DOCK9: variants seen among roughly 807,000 people sequenced by gnomAD.
DOCK9 encodes the protein dedicator of cytokinesis 9.
A neutral mutation model predicts 263.3 loss-of-function variants in DOCK9; 89 were observed. The ratio of observed to expected loss-of-function variants is 0.34; its 90% CI spans 0.28 to 0.40. DOCK9 has a LOEUF of 0.40. DOCK9 is among the 10% of genes least tolerant of loss of function. The pLI is 1.00. For synonymous variants in DOCK9, 976 were observed against 973.1 expected (o/e 1.00, Z -0.06); for missense variants, 2,140 against 2,603.4 (o/e 0.82, Z 3.87).
intron 3 of DOCK9, among the ~76,000 whole-genome samples, chr13:98,926,235 C>G (rs1428761345): frequency 2.6e-5 from 4 of 152,170 alleles, no homozygotes; most frequent in Admixed American, 2.6e-4. Context: ...AGAGTAAGCA[C>G]CTGGTTCTTA....
In DOCK9 at chr13:98,881,882, C is replaced by T. The variant is rs1429176845; in HGVS notation, c.2675+10G>A. ...AGAAGTGAGGAAGAGCATCCATCCA[C>T]CTCCCTTACCGAGTCACGTTAACCG... On this transcript the variant is annotated intron_variant, in intron 24 of 52. Transcript: ENST00000682017. The T allele has an allele frequency of 1.9e-6, 3 of 1,557,284 alleles. No individual in the cohort carries two copies. The highest frequency in any genetic ancestry group is 1.4e-5 in the African/African-American group (1 of 73,512).
chr13:99,086,580 A>C (rs1454789943), exon 1 of DOCK9: 1 of 151,814 alleles, frequency 6.6e-6, no homozygotes, highest in East Asian at 2.0e-4. Flanking sequence ...GCCCCCCGCG[A>C]TCGCAGCAGC....
chr13:98,799,776 G>A (rs748528266), intron 50 of DOCK9, among the ~76,000 whole-genome samples: 1 of 152,146 alleles, frequency 6.6e-6, no homozygotes, highest in African/African-American at 2.4e-5. Flanking sequence ...TGAAATTTTG[G>A]AGTAGACACA....
chr13:99,031,610 T>A (rs181664139), intron 1 of DOCK9, among the ~76,000 whole-genome samples: 23 of 152,318 alleles, frequency 1.5e-4, no homozygotes, highest in Admixed American at 1.2e-3. Flanking sequence ...GTCTTTTTCA[T>A]CAACTGAAAG....
chr13:99,030,540 C>T (rs1301373484), intron 1 of DOCK9, among the ~76,000 whole-genome samples: 5 of 152,136 alleles, frequency 3.3e-5, no homozygotes, highest in Admixed American at 2.6e-4. Flanking sequence ...TGGGATAGTA[C>T]CAGCATTCAA....
intron 2 of DOCK9, chr13:98,949,927 G>A: frequency 2.1e-6 from 1 of 476,642 alleles, no homozygotes; most frequent in Non-Finnish European, 4.1e-6. Context: ...TCCCCCAGGT[G>A]CTCCTCAATT....
At chr13:98,811,137 ATT>A (rs1247371884) in intron 45 of DOCK9, among the ~76,000 whole-genome samples, 2 of 152,184 alleles carry the variant, frequency 1.3e-5, no homozygotes, top group African/African-American at 2.4e-5. Flanking sequence ...AAAGGTTTGG[ATT>A]GATTGATGTT....
chr13:98,885,831 T>C lies in DOCK9; in HGVS notation c.2137A>G (p.Ile713Val), dbSNP rs776620056. The C allele has an allele frequency of 2.5e-6, 4 of 1,597,552 alleles. No homozygotes were observed. The highest frequency in any genetic ancestry group is 3.4e-6 in the Non-Finnish European group (4 of 1,175,598). Residue 713 changes from isoleucine to valine, a missense_variant and splice_region_variant, in exon 20 of 53, where the codon ATT (isoleucine) becomes GTT (valine). Transcript: ENST00000682017. ...AGCTGAGTGGGCAACTCTATTTTAATCTGCAAGGGAAGACAAAATAACAAC... is the reference window on the plus strand; with the variant it reads ...AGCTGAGTGGGCAACTCTATTTTAACCTGCAAGGGAAGACAAAATAACAAC... The part of the protein sequence containing the change: ...HHQNPEFYDE[I>V]KIELPTQLHE...
At position 98,863,049 on chromosome 13, in the gene DOCK9, A is replaced by G. The variant is rs1223841157; in HGVS notation, c.3549T>C (p.Asp1183=). ...IENVQRINVR[D]VSPFPVNAGM... is the part of the protein sequence containing the mutation. ...CCGCGTTCACAGGGAAGGGTGACAC[A>G]TCCCTCACATTGATCCGCTGGACGT... Residue 1183 remains aspartate, a synonymous_variant, in exon 32 of 53, where the codon GAT becomes GAC. Coordinates refer to ENST00000682017, the MANE Select transcript of DOCK9 (RefSeq NM_001366683.2). 5.6e-6 allele frequency: 9 copies of G among 1,610,864 alleles called. No individual in the cohort carries two copies. The South Asian group carries it at 8.9e-5, about 16-fold the overall frequency.
At chr13:99,046,337 C>T (rs914554907) in intron 1 of DOCK9, among the ~76,000 whole-genome samples, 5 of 152,230 alleles carry the variant, frequency 3.3e-5, no homozygotes, top group Non-Finnish European at 4.4e-5. Context: ...GGATCCTTAA[C>T]TCCAGGGCCA....
intron 27 of DOCK9, chr13:98,872,143 T>C (rs1485819848): frequency 6.6e-6 from 1 of 152,410 alleles, no homozygotes; most frequent in African/African-American, 2.4e-5. Flanking sequence ...TGTTCACTTC[T>C]TTGTTCTGCA....
chr13:98,995,480 A>G (rs74111842), intron 1 of DOCK9, among the ~76,000 whole-genome samples: 4,020 of 141,098 alleles, frequency 0.028, 172 homozygotes, highest in African/African-American at 0.1. Flanking sequence ...CCTTTGAGGA[A>G]GATACTTTTT....
chr13:99,056,539 A>C (rs1468827682), intron 1 of DOCK9, among the ~76,000 whole-genome samples: 1 of 152,198 alleles, frequency 6.6e-6, no homozygotes, highest in African/African-American at 2.4e-5. Context: ...TTGGCTAAAA[A>C]ACCAGCTCCC....
chr13:99,033,218 G>GT (rs753599701), intron 1 of DOCK9, among the ~76,000 whole-genome samples: 1 of 152,210 alleles, frequency 6.6e-6, no homozygotes, highest in Admixed American at 6.5e-5. Context: ...GGCAGGACCA[G>GT]TAGTAGAGAA....
At chr13:98,948,538 ATTATT>A (rs1182374799) in intron 2 of DOCK9, among the ~76,000 whole-genome samples, 1 of 152,230 alleles carries the variant, frequency 6.6e-6, no homozygotes, top group Non-Finnish European at 1.5e-5. Flanking sequence ...TTTAAAAATC[ATTATT>A]TTAAATACAT....
chr13:99,085,727 C>G (rs11838818), intron 1 of DOCK9, among the ~76,000 whole-genome samples: 16,113 of 151,898 alleles, frequency 0.11, 1,227 homozygotes, highest in East Asian at 0.24. Context: ...TCCTGGAGTT[C>G]AGCCAACTCA....
At chr13:99,031,712 C>T (rs1887363121) in intron 1 of DOCK9, among the ~76,000 whole-genome samples, 1 of 152,192 alleles carries the variant, frequency 6.6e-6, no homozygotes, top group Non-Finnish European at 1.5e-5. Context: ...CCTAGCAAAA[C>T]TTATAAAACA....
upstream of DOCK9, among the ~76,000 whole-genome samples, chr13:99,086,865 C>T (rs2142535382): frequency 6.6e-6 from 1 of 151,530 alleles, no homozygotes; most frequent in Non-Finnish European, 1.5e-5. Flanking sequence ...GGGGTCGGGG[C>T]CGCCTCCGCC....
intron 1 of DOCK9, among the ~76,000 whole-genome samples, chr13:99,001,230 C>T (rs1234593591): frequency 1.3e-5 from 2 of 152,184 alleles, no homozygotes; most frequent in Non-Finnish European, 2.9e-5. Flanking sequence ...TACGAAACCA[C>T]TTGTAATCTC....
Sources: allele counts gnomAD v4.1 joint callset (sites outside exome capture counted in the v4.1 genomes callset), GRCh38; gene constraint gnomAD v4.1.1; transcripts MANE v1.5; gene names NCBI Gene and HGNC (gene_info 2026-07-23, HGNC 2026-07-21).